Variants in ADAM22 observed in about 807,000 individuals in gnomAD.
ADAM22 encodes ADAM metallopeptidase domain 22, also known as disintegrin and metalloproteinase domain-containing protein 22.
ADAM22 carries 65 observed loss-of-function variants against 144.6 expected under a neutral mutation model. The observed-to-expected ratio is 0.45, with a 90% CI of 0.37 to 0.55. ADAM22 has a LOEUF of 0.55. ADAM22 is among the 20% of genes least tolerant of loss of function. ADAM22 has a pLI of 0.00. For missense variants in ADAM22, 974 were observed against 1,184.9 expected (o/e 0.82, Z 2.61); for synonymous variants, 391 against 412.6 (o/e 0.95, Z 0.63).
intron 3 of ADAM22, among the ~76,000 whole-genome samples, chr7:88,072,898 G>A (rs1435450611): frequency 6.6e-6 from 1 of 152,144 alleles, no homozygotes; most frequent in Non-Finnish European, 1.5e-5. Context: ...TGTGGATGCT[G>A]GAGCAATTAC....
At chr7:88,101,479 T>A (rs1822917768) in intron 4 of ADAM22, among the ~76,000 whole-genome samples, 1 of 152,156 alleles carries the variant, frequency 6.6e-6, no homozygotes, top group Non-Finnish European at 1.5e-5. Context: ...CTTTCATAGA[T>A]GTAGCACTGA....
intron 2 of ADAM22, among the ~76,000 whole-genome samples, chr7:87,975,164 T>C (rs189838636): frequency 6.6e-6 from 1 of 152,326 alleles, no homozygotes; most frequent in African/African-American, 2.4e-5. Context: ...TACCTGGATA[T>C]TACCTCCTTC....
At position 87,976,638 on chromosome 7, in the gene ADAM22, C is replaced by T. The variant is rs539973597; in HGVS notation, c.247-1698C>T. ...CTAAATCTTGAAGGATGAGTAGGGC[C>T]GTTTCTGGGAAACAGCTTTGGGGAA... On this transcript the variant is annotated intron_variant, in intron 2 of 31. Transcript: ENST00000413139. Among the ~76,000 whole-genome samples, 7 of 152,236 alleles carry T rather than the reference C, an allele frequency of 4.6e-5. No individual in the cohort carries two copies. In the South Asian group the frequency reaches 8.3e-4, roughly 18 times the overall value.
chr7:88,039,464 A>AAAAAAAAAAAAAAAAAAAAATATATATAT, intron 3 of ADAM22, among the ~76,000 whole-genome samples: 11 of 76,388 alleles, frequency 1.4e-4, no homozygotes, highest in Admixed American at 4.5e-4. Flanking sequence ...AAAAAAAAAA[A>AAAAAAAAAAAAAAAAAAAAATATATATAT]ATATATATAT....
chr7:88,011,169 C>T (rs1795266922), intron 3 of ADAM22, among the ~76,000 whole-genome samples: 1 of 152,126 alleles, frequency 6.6e-6, no homozygotes, highest in African/African-American at 2.4e-5. Flanking sequence ...TCAGAAGCAA[C>T]ACTGTTAATG....
intron 5 of ADAM22, among the ~76,000 whole-genome samples, chr7:88,111,145 G>C (rs929141741): frequency 2.0e-5 from 3 of 151,924 alleles, no homozygotes; most frequent in Admixed American, 6.6e-5. Flanking sequence ...GACCATTTTA[G>C]GCTTTCTTAG....
chr7:88,147,020 A>C (rs1353748194), intron 17 of ADAM22, among the ~76,000 whole-genome samples: 3 of 152,230 alleles, frequency 2.0e-5, no homozygotes, highest in Admixed American at 2.0e-4. Flanking sequence ...TCAATGTTTT[A>C]AGTCTGCCCA....
intron 3 of ADAM22, among the ~76,000 whole-genome samples, chr7:88,006,768 G>C (rs199553273): frequency 7.0e-6 from 1 of 143,090 alleles, no homozygotes; most frequent in Admixed American, 7.1e-5. Flanking sequence ...AATAAGAGCT[G>C]TCTATGACAA....
chr7:88,166,382 G>C (rs989342588), intron 24 of ADAM22, among the ~76,000 whole-genome samples: 2 of 151,978 alleles, frequency 1.3e-5, no homozygotes, highest in Non-Finnish European at 2.9e-5. Context: ...CAGTTCTGTA[G>C]CCTGAACTGG....
Position 88,201,160 on chromosome 7 carries a change from G to A in ADAM22, c.*4669G>A, listed in dbSNP as rs1322676905. On this transcript the variant is annotated 3_prime_UTR_variant, in exon 32 of 32. Transcript: ENST00000413139. ...CATTGCTTTGTTAGTCCCGCAAATGGAGCAACTTCTGGTTGTTTGTAAGCA... is the reference window on the plus strand; with the variant it reads ...CATTGCTTTGTTAGTCCCGCAAATGAAGCAACTTCTGGTTGTTTGTAAGCA... 6.6e-6 allele frequency: 1 copy of A among 152,214 alleles called. No individual in the cohort carries two copies. The highest frequency in any genetic ancestry group is 2.4e-5 in the African/African-American group (1 of 41,440). 9.4% of individuals were successfully genotyped at this position (152,214 alleles called of 1,614,324 possible). A position where few individuals can be genotyped will look rare whatever the true frequency, so the allele number is the denominator to read the frequency against.
Position 88,197,402 on chromosome 7 carries a change from A to C in ADAM22, c.*911A>C, listed in dbSNP as rs1850795839. On this transcript the variant is annotated 3_prime_UTR_variant, in exon 32 of 32. Coordinates refer to ENST00000413139, the MANE Select transcript of ADAM22 (RefSeq NM_001324418.2). ...ATGCCCAGCAAAACTTCTGGCCTCC[A>C]CAGTTTGCTGATGCAGGAGCCCACT... 1 of 152,214 alleles carries C rather than the reference A, an allele frequency of 6.6e-6. No homozygotes were observed. The highest frequency in any genetic ancestry group is 6.5e-5 in the Admixed American group (1 of 15,284). 9.4% of individuals were successfully genotyped at this position (152,214 alleles called of 1,614,324 possible).
At chr7:88,085,180 T>G (rs1281704373) in intron 4 of ADAM22, among the ~76,000 whole-genome samples, 1 of 152,162 alleles carries the variant, frequency 6.6e-6, no homozygotes, top group African/African-American at 2.4e-5. Context: ...AGTTTTTTTG[T>G]TTTTTCTTAA....
chr7:88,175,528 G>A (rs759149151), intron 26 of ADAM22, among the ~76,000 whole-genome samples: 5 of 152,018 alleles, frequency 3.3e-5, no homozygotes, highest in Non-Finnish European at 7.4e-5. Context: ...ACGTTTTGAG[G>A]GGGAAAAAAA....
intron 14 of ADAM22, among the ~76,000 whole-genome samples, 193 bp from the exon 15 acceptor site, chr7:88,142,833 G>A (rs751130215): frequency 7.8e-5 from 11 of 140,250 alleles, no homozygotes; most frequent in Non-Finnish European, 1.6e-4. Context: ...GCTAGACTCC[G>A]TCTCAAAAAA....
intron 4 of ADAM22, among the ~76,000 whole-genome samples, chr7:88,078,617 G>T (rs1047251101): frequency 3.3e-5 from 5 of 152,224 alleles, no homozygotes; most frequent in African/African-American, 4.8e-5. Flanking sequence ...TAGACGAATG[G>T]ATAACTAGAA....
chr7:87,952,769 T>G (rs1845597567), intron 2 of ADAM22, among the ~76,000 whole-genome samples: 1 of 152,214 alleles, frequency 6.6e-6, no homozygotes, highest in Non-Finnish European at 1.5e-5. Flanking sequence ...ATCCATCTGG[T>G]CCTGGATTCT....
rs535531435 is a variant in ADAM22, at chr7:88,117,275, T to A, written c.607+461T>A. Among the ~76,000 whole-genome samples the A allele has an allele frequency of 2.2e-4, 33 of 152,356 alleles. 1 individual carries two copies. In the East Asian group the frequency reaches 6.4e-3, roughly 29 times the overall value. On this transcript the variant is annotated intron_variant, in intron 7 of 31. Coordinates refer to ENST00000413139, the MANE Select transcript of ADAM22 (RefSeq NM_001324418.2). ...TTGTGAAATTAGTCATTTCTTCTCATCTATACCTAAATGGATCTAGGTTAA... is the reference window on the plus strand; with the variant it reads ...TTGTGAAATTAGTCATTTCTTCTCAACTATACCTAAATGGATCTAGGTTAA...
intron 3 of ADAM22, among the ~76,000 whole-genome samples, chr7:88,043,265 C>A (rs1325570193): frequency 6.6e-6 from 1 of 151,826 alleles, no homozygotes; most frequent in Non-Finnish European, 1.5e-5. Flanking sequence ...ATGGGCAGAT[C>A]ATGAGGTCAG....
At chr7:88,084,985 C>T (rs1283619029) in intron 4 of ADAM22, among the ~76,000 whole-genome samples, 1 of 152,182 alleles carries the variant, frequency 6.6e-6, no homozygotes, top group Non-Finnish European at 1.5e-5. Flanking sequence ...CTAATCTCTT[C>T]TTGTGAGAAC....
Sources: allele counts gnomAD v4.1 joint callset (sites outside exome capture counted in the v4.1 genomes callset), GRCh38; gene constraint gnomAD v4.1.1; transcripts MANE v1.5; gene names NCBI Gene and HGNC (gene_info 2026-07-23, HGNC 2026-07-21).